THRB: variants seen among roughly 807,000 people sequenced by gnomAD.
THRB encodes nuclear receptor subfamily 1 group A member 2.
A neutral mutation model predicts 47.8 loss-of-function variants in THRB; 12 were observed. The ratio of observed to expected loss-of-function variants is 0.25; its 90% CI spans 0.16 to 0.41. The LOEUF (loss-of-function observed/expected upper bound fraction) is 0.41, where lower values mean the gene tolerates loss of function less well. THRB is among the 10% of genes least tolerant of loss of function. The pLI is 1.00. For missense variants in THRB, 348 were observed against 589.2 expected (o/e 0.59, Z 4.24); for synonymous variants, 218 against 212.2 (o/e 1.03, Z -0.24).
intron 4 of THRB, among the ~76,000 whole-genome samples, chr3:24,220,686 A>T (rs1247604456): frequency 6.6e-6 from 1 of 152,082 alleles, no homozygotes; most frequent in South Asian, 2.1e-4. Context: ...AAATTTGCTG[A>T]GATTTTATTA....
intron 1 of THRB, among the ~76,000 whole-genome samples, chr3:24,383,549 T>C (rs1001519245): frequency 5.3e-5 from 8 of 152,160 alleles, no homozygotes; most frequent in Non-Finnish European, 1.2e-4. Flanking sequence ...AAATCAAGTA[T>C]ATCTTAAAAA....
intron 1 of THRB, among the ~76,000 whole-genome samples, chr3:24,337,889 C>G (rs559169974): frequency 3.3e-5 from 5 of 152,218 alleles, no homozygotes; most frequent in Admixed American, 1.3e-4. Context: ...AAGCATGAAG[C>G]CATGGAGCTG....
chr3:24,226,188 G>T (rs1335810687), intron 4 of THRB, among the ~76,000 whole-genome samples: 1 of 152,134 alleles, frequency 6.6e-6, no homozygotes, highest in African/African-American at 2.4e-5. Flanking sequence ...GATTTCCTGT[G>T]TTGAATAGCA....
intron 5 of THRB, among the ~76,000 whole-genome samples, chr3:24,155,926 A>G (rs2149156585): frequency 6.6e-6 from 1 of 152,338 alleles, no homozygotes. Context: ...AAGGTCCATG[A>G]CAATATATGA....
At chr3:24,353,320 G>C (rs1483943501) in intron 1 of THRB, among the ~76,000 whole-genome samples, 1 of 152,022 alleles carries the variant, frequency 6.6e-6, no homozygotes, top group African/African-American at 2.4e-5. Flanking sequence ...TGAATTGCTT[G>C]GTGTAGAGTT....
intron 3 of THRB, among the ~76,000 whole-genome samples, chr3:24,229,673 G>A (rs764188407): frequency 3.3e-5 from 5 of 152,220 alleles, no homozygotes; most frequent in Non-Finnish European, 7.4e-5. Context: ...CTGACCCAGG[G>A]AAGAATGCCA....
chr3:24,435,970 A>G (rs1460028610), intron 1 of THRB, among the ~76,000 whole-genome samples: 2 of 152,184 alleles, frequency 1.3e-5, no homozygotes, highest in African/African-American at 4.8e-5. Flanking sequence ...TACACACAAT[A>G]ATCATTAAAT....
At chr3:24,324,681 T>A (rs1415546437) in intron 2 of THRB, among the ~76,000 whole-genome samples, 1 of 152,226 alleles carries the variant, frequency 6.6e-6, no homozygotes, top group African/African-American at 2.4e-5. Context: ...AAAACATAAA[T>A]CATTTAGTAA....
At chr3:24,213,269 CCTTT>C (rs2046243580) in intron 4 of THRB, among the ~76,000 whole-genome samples, 1 of 152,106 alleles carries the variant, frequency 6.6e-6, no homozygotes, top group South Asian at 2.1e-4. Flanking sequence ...TGTTCAAAAG[CCTTT>C]ATTTAGTTGA....
At chr3:24,226,511 G>A (rs2047670120) in intron 4 of THRB, among the ~76,000 whole-genome samples, 1 of 152,190 alleles carries the variant, frequency 6.6e-6, no homozygotes, top group South Asian at 2.1e-4. Flanking sequence ...CCACTATGAA[G>A]CAAATGCTGG....
chr3:24,386,001 A>C (rs1037558968), intron 1 of THRB, among the ~76,000 whole-genome samples: 2 of 152,236 alleles, frequency 1.3e-5, no homozygotes, highest in African/African-American at 4.8e-5. Flanking sequence ...TTTATCCTCT[A>C]TTTAAATGTG....
chr3:24,338,095 A>G (rs2062384245), intron 1 of THRB, among the ~76,000 whole-genome samples: 1 of 152,204 alleles, frequency 6.6e-6, no homozygotes, highest in Non-Finnish European at 1.5e-5. Flanking sequence ...TAAATAACGT[A>G]GAAATTTTAG....
intron 1 of THRB, among the ~76,000 whole-genome samples, chr3:24,462,070 C>A (rs138137286): frequency 6.6e-6 from 1 of 151,970 alleles, no homozygotes; most frequent in Non-Finnish European, 1.5e-5. Flanking sequence ...AACATTTCAA[C>A]GGTGGGTGAC....
chr3:24,239,606 G>A (rs1313403322), intron 3 of THRB, among the ~76,000 whole-genome samples: 2 of 152,028 alleles, frequency 1.3e-5, no homozygotes, highest in Non-Finnish European at 2.9e-5. Context: ...AAAATCACAG[G>A]AGCCTTGGTT....
chr3:24,233,126 C>T (rs1329762254), intron 3 of THRB, among the ~76,000 whole-genome samples: 2 of 152,172 alleles, frequency 1.3e-5, no homozygotes, highest in Admixed American at 1.3e-4. Flanking sequence ...ACCTCTCAAA[C>T]ACACAAAGTG....
intron 4 of THRB, among the ~76,000 whole-genome samples, chr3:24,196,391 G>A (rs1396965347): frequency 2.0e-5 from 3 of 152,056 alleles, no homozygotes; most frequent in African/African-American, 7.2e-5. Flanking sequence ...TAGAGATGTG[G>A]GTTTTCTGTA....
chr3:24,309,253 A>G (rs753299224), intron 2 of THRB, among the ~76,000 whole-genome samples: 95 of 152,352 alleles, frequency 6.2e-4, no homozygotes, highest in Admixed American at 1.4e-3. Flanking sequence ...ACATTGATTC[A>G]TGCACACACA....
chr3:24,248,962 C>G (rs531112447), intron 3 of THRB, among the ~76,000 whole-genome samples: 20 of 152,278 alleles, frequency 1.3e-4, no homozygotes, highest in African/African-American at 4.6e-4. Context: ...CAACCAATTC[C>G]CTGAACTAAA....
chr3:24,213,316 T>C (rs1225142301), intron 4 of THRB, among the ~76,000 whole-genome samples: 1 of 152,132 alleles, frequency 6.6e-6, no homozygotes, highest in Non-Finnish European at 1.5e-5. Flanking sequence ...TGAGAAGGGA[T>C]GGGGCTTGAC....
Sources: allele counts gnomAD v4.1 joint callset (sites outside exome capture counted in the v4.1 genomes callset), GRCh38; gene constraint gnomAD v4.1.1; transcripts MANE v1.5; gene names NCBI Gene and HGNC (gene_info 2026-07-23, HGNC 2026-07-21).